The following ADARB2 variants were observed in gnomAD, a reference collection of about 807,000 sequenced individuals.
ADARB2 encodes the protein inactive double-stranded RNA-specific editase B2.
In ADARB2, 25 loss-of-function variants were observed where a neutral mutation model predicts 62.2. That is an observed-to-expected ratio of 0.40 (90% confidence interval 0.29 to 0.56). ADARB2 has a LOEUF of 0.56. Ranked by LOEUF, ADARB2 falls within the 20% of genes least tolerant of loss-of-function variation. The pLI, the probability that ADARB2 is intolerant of heterozygous loss-of-function variation, is 0.43. For missense variants in ADARB2, 1,071 were observed against 1,077.4 expected (o/e 0.99, Z 0.08); for synonymous variants, 572 against 500.8 (o/e 1.14, Z -1.90).
chr10:1,299,829 TG>T (rs1233793760), intron 3 of ADARB2, among the ~76,000 whole-genome samples: 1 of 152,244 alleles, frequency 6.6e-6, no homozygotes, highest in Non-Finnish European at 1.5e-5. Flanking sequence ...TGGTCCCCTG[TG>T]CTTCCGGAGG....
intron 6 of ADARB2, among the ~76,000 whole-genome samples, chr10:1,230,361 G>T (rs1830793056): frequency 6.6e-6 from 1 of 152,174 alleles, no homozygotes; most frequent in Non-Finnish European, 1.5e-5. Context: ...GATGTGTCCA[G>T]CTCCCGCCGC....
At chr10:1,275,941 A>T (rs1213787386) in intron 3 of ADARB2, among the ~76,000 whole-genome samples, 1 of 151,972 alleles carries the variant, frequency 6.6e-6, no homozygotes, top group South Asian at 2.1e-4. Context: ...AGTCTTCGCT[A>T]TTGTGAATAG....
At chr10:1,510,104 CTT>C (rs1445825028) in intron 1 of ADARB2, among the ~76,000 whole-genome samples, 7 of 119,726 alleles carry the variant, frequency 5.8e-5, no homozygotes, top group Admixed American at 2.5e-4. Flanking sequence ...TCTTTTCTTT[CTT>C]TCTCTCTTTC....
intron 1 of ADARB2, among the ~76,000 whole-genome samples, chr10:1,643,783 T>G (rs768278409): frequency 3.8e-4 from 58 of 152,140 alleles, no homozygotes; most frequent in Non-Finnish European, 6.6e-4. Context: ...TGGGGCTAAT[T>G]TGCTGTCTCT....
intron 1 of ADARB2, among the ~76,000 whole-genome samples, chr10:1,707,716 A>C (rs918994051): frequency 6.6e-6 from 1 of 152,184 alleles, no homozygotes; most frequent in Non-Finnish European, 1.5e-5. Context: ...ACTTCTCCAA[A>C]TGTATACATT....
intron 1 of ADARB2, among the ~76,000 whole-genome samples, chr10:1,546,062 G>A (rs1832514646): frequency 6.6e-6 from 1 of 151,798 alleles, no homozygotes; most frequent in African/African-American, 2.4e-5. Flanking sequence ...TCACTGCATC[G>A]GAAGAGCAAG....
chr10:1,317,607 T>G (rs1831750944), intron 3 of ADARB2, among the ~76,000 whole-genome samples: 1 of 152,092 alleles, frequency 6.6e-6, no homozygotes, highest in Non-Finnish European at 1.5e-5. Context: ...GGTGCAGGAG[T>G]TGGCAATGTT....
chr10:1,570,360 C>T (rs17156490), intron 1 of ADARB2, among the ~76,000 whole-genome samples: 6,497 of 152,250 alleles, frequency 0.043, 452 homozygotes, highest in African/African-American at 0.15. Flanking sequence ...TGATTAACCA[C>T]GGCTTTCTCC....
chr10:1,485,222 G>T (rs1038338970), intron 1 of ADARB2, among the ~76,000 whole-genome samples: 2 of 152,034 alleles, frequency 1.3e-5, no homozygotes, highest in African/African-American at 4.8e-5. Context: ...GTACTTGGAG[G>T]TAAGTGTGCA....
intron 6 of ADARB2, among the ~76,000 whole-genome samples, chr10:1,220,349 G>GA (rs1830682803): frequency 8.4e-6 from 1 of 118,526 alleles, no homozygotes; most frequent in African/African-American, 3.1e-5. Flanking sequence ...GATGGTGATT[G>GA]TGGTGATGAT....
chr10:1,490,672 C>G (rs1831610842), intron 1 of ADARB2, among the ~76,000 whole-genome samples: 1 of 152,194 alleles, frequency 6.6e-6, no homozygotes, highest in Non-Finnish European at 1.5e-5. Context: ...CCAGGCTGGT[C>G]TTGAACTCCT....
intron 1 of ADARB2, among the ~76,000 whole-genome samples, chr10:1,495,644 TGAAAAGTA>T (rs1831678662): frequency 3.0e-5 from 2 of 66,570 alleles, no homozygotes; most frequent in African/African-American, 4.2e-5. Flanking sequence ...TAGAATATGA[TGAAAAGTA>T]CAAACTTTTC....
intron 1 of ADARB2, among the ~76,000 whole-genome samples, chr10:1,434,062 AAAC>A (rs1228342830): frequency 2.0e-5 from 3 of 152,230 alleles, no homozygotes; most frequent in African/African-American, 7.2e-5. Flanking sequence ...ATCAGAAAGA[AAAC>A]AACTATATTT....
At chr10:1,600,128 G>C (rs1346653109) in intron 1 of ADARB2, among the ~76,000 whole-genome samples, 1 of 152,162 alleles carries the variant, frequency 6.6e-6, no homozygotes, top group Non-Finnish European at 1.5e-5. Context: ...GTTCACCTGA[G>C]GGTAGGCCAC....
At chr10:1,421,619 T>C (rs1358872029) in intron 1 of ADARB2, among the ~76,000 whole-genome samples, 1 of 152,154 alleles carries the variant, frequency 6.6e-6, no homozygotes, top group Non-Finnish European at 1.5e-5. Flanking sequence ...CTTTATAAAA[T>C]GCACATGCTG....
intron 4 of ADARB2, among the ~76,000 whole-genome samples, chr10:1,260,503 C>G (rs1421508955): frequency 6.6e-6 from 1 of 151,426 alleles, no homozygotes; most frequent in Non-Finnish European, 1.5e-5. Context: ...TCTTATACAC[C>G]AATAACAGAC....
At position 1,182,683 on chromosome 10, in the gene ADARB2, T is replaced by C. The variant is rs3750679; in HGVS notation, c.*510A>G. The C allele has an allele frequency of 0.33, 51,134 of 153,014 alleles. 8,603 individuals carry two copies. The highest frequency in any genetic ancestry group is 0.4 in the Admixed American group (6,138 of 15,374). The allele number at this position is 153,014 out of a possible 1,614,324, so 9.5% of individuals were successfully genotyped here. The stretch of plus-strand genomic sequence containing the variant: ...AGGAGGTGGAGTATAAAAACCTAAA[T>C]GAATAGTGAAAATAATAGAGGATTC... On this transcript the variant is annotated 3_prime_UTR_variant, in exon 10 of 10. Transcript: ENST00000381312.
chr10:1,440,158 T>A (rs1040569531), intron 1 of ADARB2, among the ~76,000 whole-genome samples: 2 of 151,842 alleles, frequency 1.3e-5, no homozygotes, highest in African/African-American at 4.8e-5. Flanking sequence ...AGGCAGGTCC[T>A]TCACTATGGG....
At chr10:1,373,528 T>C (rs547279704) in intron 2 of ADARB2, among the ~76,000 whole-genome samples, 1 of 152,288 alleles carries the variant, frequency 6.6e-6, no homozygotes, top group Admixed American at 6.5e-5. Flanking sequence ...CATGTGTGAC[T>C]GTGTGACTGT....
Sources: gnomAD v4.1 joint callset for allele counts (sites outside exome capture counted in the v4.1 genomes callset) on GRCh38, gnomAD v4.1.1 for gene constraint, MANE v1.5 for transcripts, NCBI Gene and HGNC (gene_info 2026-07-23, HGNC 2026-07-21) for gene names.